The following PARD3 variants were observed in gnomAD, a reference collection of about 807,000 sequenced individuals.
PARD3 encodes the protein par-3 family cell polarity regulator.
PARD3 carries 75 observed loss-of-function variants against 155.4 expected under a neutral mutation model. That is an observed-to-expected ratio of 0.48 (90% confidence interval 0.40 to 0.58). The LOEUF (loss-of-function observed/expected upper bound fraction) is 0.58. Ranked by LOEUF, PARD3 falls within the 20% of genes least tolerant of loss-of-function variation. PARD3 has a pLI of 0.00. For missense variants in PARD3, 1,642 were observed against 1,721.7 expected (o/e 0.95, Z 0.82); for synonymous variants, 576 against 610.5 (o/e 0.94, Z 0.83).
At chr10:34,418,105 TTTAA>T (rs1380778668) in intron 5 of PARD3, among the ~76,000 whole-genome samples, 1 of 152,128 alleles carries the variant, frequency 6.6e-6, no homozygotes, top group Non-Finnish European at 1.5e-5. Flanking sequence ...AAAAGTAAAT[TTTAA>T]GTGTCTATCA....
chr10:34,560,402 A>G (rs1174119254), intron 2 of PARD3, among the ~76,000 whole-genome samples: 1 of 152,224 alleles, frequency 6.6e-6, no homozygotes, highest in East Asian at 1.9e-4. Context: ...ATATACATCA[A>G]TTCTCATTCT....
At chr10:34,479,374 A>G (rs12267180) in intron 3 of PARD3, among the ~76,000 whole-genome samples, 8,631 of 151,866 alleles carry the variant, frequency 0.057, 809 homozygotes, top group African/African-American at 0.2. Context: ...TGTTAGCCAG[A>G]ATGGACTCTA....
At chr10:34,743,362 G>A (rs1279909676) in intron 1 of PARD3, among the ~76,000 whole-genome samples, 1 of 152,220 alleles carries the variant, frequency 6.6e-6, no homozygotes, top group African/African-American at 2.4e-5. Flanking sequence ...CATCTTGGGA[G>A]AGAAGGTGGT....
At chr10:34,334,683 T>G (rs1835967564) in intron 18 of PARD3, among the ~76,000 whole-genome samples, 1 of 151,664 alleles carries the variant, frequency 6.6e-6, no homozygotes, top group Non-Finnish European at 1.5e-5. Context: ...TTGTAATAAT[T>G]TTTTGCCCCA....
chr10:34,475,218 A>G (rs1053586336), intron 3 of PARD3, among the ~76,000 whole-genome samples: 1 of 152,234 alleles, frequency 6.6e-6, no homozygotes, highest in African/African-American at 2.4e-5. Context: ...AAAACTCATC[A>G]CATGTTAACA....
intron 1 of PARD3, among the ~76,000 whole-genome samples, chr10:34,708,324 G>A (rs1178168355): frequency 1.3e-5 from 2 of 151,618 alleles, no homozygotes; most frequent in Admixed American, 6.6e-5. Context: ...TGATCCTGGA[G>A]TGGATACTGC....
chr10:34,639,477 C>T (rs1046989271), intron 2 of PARD3, among the ~76,000 whole-genome samples: 1 of 152,196 alleles, frequency 6.6e-6, no homozygotes, highest in Non-Finnish European at 1.5e-5. Flanking sequence ...AGGGCACATC[C>T]CCGTTAGTGT....
intron 22 of PARD3, among the ~76,000 whole-genome samples, chr10:34,236,554 C>T (rs191126300): frequency 1.1e-4 from 16 of 152,170 alleles, no homozygotes; most frequent in South Asian, 2.1e-4. Flanking sequence ...CCTTTTGTTG[C>T]GCTACTGTTG....
chr10:34,644,238 G>T (rs2092766524), intron 2 of PARD3, among the ~76,000 whole-genome samples: 2 of 152,164 alleles, frequency 1.3e-5, no homozygotes, highest in South Asian at 2.1e-4. Context: ...CAGCCCAGGG[G>T]AGACATCTGC....
At chr10:34,499,128 C>A (rs1169074332) in intron 3 of PARD3, among the ~76,000 whole-genome samples, 1 of 152,066 alleles carries the variant, frequency 6.6e-6, no homozygotes, top group Non-Finnish European at 1.5e-5. Flanking sequence ...AGATTTTTTT[C>A]TCTAAGTACA....
intron 2 of PARD3, among the ~76,000 whole-genome samples, chr10:34,622,827 C>CTTTTTT (rs567045063): frequency 8.8e-6 from 1 of 113,488 alleles, no homozygotes; most frequent in Non-Finnish European, 1.9e-5. Context: ...TTCTTTTTTT[C>CTTTTTT]TTTTTTTTTT....
chr10:34,472,632 C>T (rs1353129254), intron 3 of PARD3, among the ~76,000 whole-genome samples: 1 of 152,148 alleles, frequency 6.6e-6, no homozygotes, highest in East Asian at 1.9e-4. Flanking sequence ...CATTTCTCTC[C>T]CTCTTCTGTC....
At chr10:34,417,399 A>T (rs1479148634) in intron 5 of PARD3, among the ~76,000 whole-genome samples, 1 of 152,174 alleles carries the variant, frequency 6.6e-6, no homozygotes, top group Non-Finnish European at 1.5e-5. Flanking sequence ...TTTATTTGGG[A>T]AAACTTCAAA....
chr10:34,225,372 T>C (rs564780915), intron 22 of PARD3, among the ~76,000 whole-genome samples: 348 of 151,492 alleles, frequency 2.3e-3, no homozygotes, highest in African/African-American at 8.1e-3. Context: ...TAGGACAGAG[T>C]TTCACTCTTG....
At chr10:34,768,871 G>A (rs2134074599) in intron 1 of PARD3, among the ~76,000 whole-genome samples, 1 of 152,298 alleles carries the variant, frequency 6.6e-6, no homozygotes, top group Middle Eastern at 3.4e-3. Context: ...CAGGCATGGT[G>A]ACAGAGCTCT....
intron 22 of PARD3, among the ~76,000 whole-genome samples, chr10:34,192,282 G>C (rs1218881513): frequency 6.6e-6 from 1 of 152,032 alleles, no homozygotes; most frequent in Non-Finnish European, 1.5e-5. Flanking sequence ...GTTTTGGGTA[G>C]AGACAGGGTT....
chr10:34,178,764 G>C (rs1950141900), intron 22 of PARD3, among the ~76,000 whole-genome samples: 1 of 152,142 alleles, frequency 6.6e-6, no homozygotes, highest in Non-Finnish European at 1.5e-5. Flanking sequence ...GGTGATAATG[G>C]ATACAATAAT....
chr10:34,502,589 C>T (rs1333275764), intron 3 of PARD3, among the ~76,000 whole-genome samples: 1 of 152,046 alleles, frequency 6.6e-6, no homozygotes, highest in Non-Finnish European at 1.5e-5. Context: ...TAGACACACA[C>T]ACACAGACAC....
At chr10:34,721,345 C>T (rs541732124) in intron 1 of PARD3, among the ~76,000 whole-genome samples, 69 of 152,122 alleles carry the variant, frequency 4.5e-4, no homozygotes, top group Non-Finnish European at 7.2e-4. Context: ...AGTTGTGGAG[C>T]GAACAGGGCG....
Sources: gnomAD v4.1 joint callset for allele counts (sites outside exome capture counted in the v4.1 genomes callset) on GRCh38, gnomAD v4.1.1 for gene constraint, MANE v1.5 for transcripts, NCBI Gene and HGNC (gene_info 2026-07-23, HGNC 2026-07-21) for gene names.